ATAD2: variants seen among roughly 807,000 people sequenced by gnomAD.
The protein encoded by ATAD2 is ATPase family AAA domain-containing protein 2.
In ATAD2, 62 loss-of-function variants were observed where a neutral mutation model predicts 168.9. That is an observed-to-expected ratio of 0.37 (90% CI 0.30 to 0.45). ATAD2 has a LOEUF of 0.45. Among genes scored for constraint, ATAD2 ranks in the 20% least tolerant of loss-of-function variants. The probability of loss-of-function intolerance (pLI) is 1.00; values close to 1 mark genes in which losing one functional copy is unlikely to be tolerated. For synonymous variants in ATAD2, 613 were observed against 571.6 expected (o/e 1.07, Z -1.03); for missense variants, 1,419 against 1,667.8 (o/e 0.85, Z 2.60).
chr8:123,401,512 T>A, intron 1 of ATAD2: 1 of 1,566,370 alleles, frequency 6.4e-7, no homozygotes, highest in Non-Finnish European at 8.7e-7. Flanking sequence ...AAGAACCTGA[T>A]TGATGCTGGT....
rs764238747 is a variant in ATAD2 at position 123,346,164 on chromosome 8, T to C, written c.2454A>G (p.Glu818=). ...TGTCTAATGTATATACAGTAAACTT[T>C]TCCAAAGCATGAATGACAGCTGGTG... is the stretch of plus-strand genomic sequence containing the variant. The part of the protein sequence containing the change: ...HLAPAVIHAL[E]KFTVYTLDIP... The change falls in exon 18 of 28, where the codon GAA becomes GAG. Residue 818 remains glutamate, a synonymous_variant. Coordinates refer to ENST00000287394, the MANE Select transcript of ATAD2 (RefSeq NM_014109.4). The C allele has an allele frequency of 4.3e-6, 7 of 1,613,220 alleles. No individual in the cohort carries two copies. Among genetic ancestry groups the C allele is most frequent in the Non-Finnish European group, 4.2e-6 (5 of 1,179,660 alleles).
intron 1 of ATAD2, among the ~76,000 whole-genome samples, chr8:123,410,963 C>T (rs188000665): frequency 1.8e-4 from 28 of 152,354 alleles, no homozygotes; most frequent in Middle Eastern, 3.4e-3. Context: ...CTGGGTTCCA[C>T]GGTTCTCTTC....
intron 24 of ATAD2, among the ~76,000 whole-genome samples, chr8:123,329,253 A>T (rs566904654): frequency 6.6e-6 from 1 of 152,294 alleles, no homozygotes; most frequent in African/African-American, 2.4e-5. Context: ...TTGAGCATTT[A>T]TCATGTACTA....
chr8:123,364,215 AT>A (rs1828903114), intron 8 of ATAD2, among the ~76,000 whole-genome samples: 1 of 151,986 alleles, frequency 6.6e-6, no homozygotes, highest in African/African-American at 2.4e-5. Context: ...CACTTTACAG[AT>A]AAAAAAAAAA....
chr8:123,361,702 G>T (rs1828830666), intron 8 of ATAD2, 56 bp from the exon 9 acceptor site: 7 of 1,411,746 alleles, frequency 5.0e-6, no homozygotes, highest in South Asian at 1.2e-5. Context: ...AAAAGAAAAG[G>T]CATAAGAAAA....
chr8:123,363,592 C>G (rs920918063), intron 8 of ATAD2, among the ~76,000 whole-genome samples: 5 of 152,106 alleles, frequency 3.3e-5, no homozygotes, highest in African/African-American at 1.2e-4. Flanking sequence ...ATTATTATAT[C>G]CAGTACAAGT....
chr8:123,334,860 C>T lies in ATAD2; in HGVS notation c.3212-538G>A, dbSNP rs1057477055. Among the ~76,000 whole-genome samples, 8 of 152,222 alleles carry T rather than the reference C, an allele frequency of 5.3e-5. No homozygotes were observed. The South Asian group carries it at 1.7e-3, about 31-fold the overall frequency. The stretch of plus-strand genomic sequence containing the variant: ...AGTGAATGCAGGATTGCTTGAGCCA[C>T]ATCAATACTCCTCAAAGGACAAGAG... On this transcript the variant is annotated intron_variant, in intron 22 of 27. Coordinates refer to ENST00000287394, the MANE Select transcript of ATAD2 (RefSeq NM_014109.4).
At chr8:123,383,291 C>T (rs1002306803) in intron 1 of ATAD2, among the ~76,000 whole-genome samples, 1 of 151,928 alleles carries the variant, frequency 6.6e-6, no homozygotes, top group Non-Finnish European at 1.5e-5. Flanking sequence ...ACATATATAC[C>T]TATGTAACAA....
At chr8:123,394,450 G>A (rs1385671791) in intron 1 of ATAD2, among the ~76,000 whole-genome samples, 1 of 152,146 alleles carries the variant, frequency 6.6e-6, no homozygotes, top group African/African-American at 2.4e-5. Flanking sequence ...CCAACATACA[G>A]AAACCCTGTC....
chr8:123,374,567 C>T (rs1012758404), intron 2 of ATAD2, among the ~76,000 whole-genome samples: 2 of 152,120 alleles, frequency 1.3e-5, no homozygotes, highest in African/African-American at 4.8e-5. Context: ...CTTCTTTTTG[C>T]CTGCAGGAGG....
At chr8:123,366,168 T>C (rs945322282) in intron 8 of ATAD2, among the ~76,000 whole-genome samples, 1 of 151,938 alleles carries the variant, frequency 6.6e-6, no homozygotes, top group Non-Finnish European at 1.5e-5. Flanking sequence ...TATGAAAAAA[T>C]GCTCAACATC....
chr8:123,399,870 G>A (rs1670852750), upstream of ATAD2, among the ~76,000 whole-genome samples: 2 of 149,366 alleles, frequency 1.3e-5, no homozygotes, highest in African/African-American at 2.5e-5. Context: ...AAGAAGGAAA[G>A]AAAGAAAGGT....
intron 1 of ATAD2, 26 bp downstream of exon 1, chr8:123,396,161 G>A: frequency 6.5e-7 from 1 of 1,536,882 alleles, no homozygotes; most frequent in Non-Finnish European, 8.7e-7. Context: ...AACCGCCCTG[G>A]GAGCCCGCCT....
chr8:123,349,437 C>T lies in ATAD2; in HGVS notation c.1654G>A (p.Val552Ile). 3 of 1,613,436 alleles carry T rather than the reference C, an allele frequency of 1.9e-6. No homozygotes were observed. Among genetic ancestry groups the T allele is most frequent in the Non-Finnish European group, 2.5e-6 (3 of 1,179,680 alleles). Residue 552 changes from valine to isoleucine, a missense_variant, in exon 14 of 28, where the codon GTT (valine) becomes ATT (isoleucine). Val to Ile is a conservative substitution (Grantham distance 29). Transcript: ENST00000287394. ...SRQDQIHSSI[V>I]STLLALMDGL... ...TCCATAAGAGCTAGCAGGGTGGAAACAATAGAACTAAATTTTAAAAATAAG... is the reference window on the plus strand; with the variant it reads ...TCCATAAGAGCTAGCAGGGTGGAAATAATAGAACTAAATTTTAAAAATAAG...
chr8:123,325,290 A>ATT (rs1279594764), intron 26 of ATAD2, among the ~76,000 whole-genome samples: 3 of 144,556 alleles, frequency 2.1e-5, no homozygotes, highest in African/African-American at 5.5e-5. Context: ...TTATTTATTT[A>ATT]TTTATTTTTT....
In ATAD2 at chr8:123,357,583, C is replaced by T. The variant is rs1425546873; in HGVS notation, c.1536G>A (p.Gln512=). Residue 512 remains glutamine (Q), a synonymous_variant, in exon 12 of 28, where the codon CAG becomes CAA. Transcript: ENST00000287394. ...ATACCTGATCAAACAGCAATCGTAG[C>T]TGTCTTTCAGATTCTCCTACCCATT... is the stretch of plus-strand genomic sequence containing the variant. ...LSKWVGESER[Q]LRLLFDQAYQ... is the part of the protein sequence containing the mutation. 3 of 1,613,118 alleles carry T rather than the reference C, an allele frequency of 1.9e-6. No homozygotes were observed. The highest frequency in any genetic ancestry group is 2.2e-5 in the East Asian group (1 of 44,850).
chr8:123,328,738 G>A (rs754148306), intron 24 of ATAD2, among the ~76,000 whole-genome samples, 159 bp from the exon 25 acceptor site: 19 of 152,140 alleles, frequency 1.2e-4, no homozygotes, highest in South Asian at 6.2e-4. Context: ...CTGTGAGAAG[G>A]TGGAGAAGTG....
At chr8:123,338,613 A>G (rs1263192488) in intron 20 of ATAD2, among the ~76,000 whole-genome samples, 1 of 152,240 alleles carries the variant, frequency 6.6e-6, no homozygotes, top group African/African-American at 2.4e-5. Context: ...AGGCATAATT[A>G]TATCATTGTG....
At chr8:123,377,499 G>C (rs578091342) in intron 2 of ATAD2, among the ~76,000 whole-genome samples, 1 of 152,112 alleles carries the variant, frequency 6.6e-6, no homozygotes, top group Admixed American at 6.5e-5. Context: ...TTTTTTGTAT[G>C]ACTATGTAAA....
Sources: gnomAD v4.1 joint callset for allele counts (sites outside exome capture counted in the v4.1 genomes callset) on GRCh38, gnomAD v4.1.1 for gene constraint, MANE v1.5 for transcripts, NCBI Gene and HGNC (gene_info 2026-07-23, HGNC 2026-07-21) for gene names.